TUBGCP4: variants seen among roughly 807,000 people sequenced by gnomAD.
The protein encoded by TUBGCP4 is gamma-tubulin complex component 4.
In TUBGCP4, 54 loss-of-function variants were observed where a neutral mutation model predicts 91.6. That is an observed-to-expected ratio of 0.59 (90% CI 0.47 to 0.74). The LOEUF (loss-of-function observed/expected upper bound fraction) is 0.74. TUBGCP4 is among the 30% of genes least tolerant of loss of function. TUBGCP4 has a pLI of 0.00. For missense variants in TUBGCP4, 593 were observed against 800.9 expected (o/e 0.74, Z 3.13); for synonymous variants, 297 against 302.8 (o/e 0.98, Z 0.20).
At chr15:43,399,044 TTA>T (rs781550581) in intron 13 of TUBGCP4, 3 of 823,164 alleles carry the variant, frequency 3.6e-6, no homozygotes, top group Non-Finnish European at 5.0e-6. Flanking sequence ...AAAATTATCT[TTA>T]TGTTTGGGTT....
At chr15:43,393,165 T>C (rs975286812) in intron 9 of TUBGCP4, among the ~76,000 whole-genome samples, 1 of 152,182 alleles carries the variant, frequency 6.6e-6, no homozygotes, top group Non-Finnish European at 1.5e-5. Flanking sequence ...TATACCAGTG[T>C]GTTTATCCAT....
Position 43,409,324 on chromosome 15 carries a change from C to T in TUBGCP4, c.*4110C>T, listed in dbSNP as rs17725343. ...GCATACTGAGGACCTAAATCCTCAA[C>T]GGACAACCAAAACCTATGAACTCAG... On this transcript the variant is annotated 3_prime_UTR_variant, in exon 18 of 18. Coordinates refer to ENST00000564079, the MANE Select transcript of TUBGCP4 (RefSeq NM_014444.5). 13,100 of 587,522 alleles carry T rather than the reference C, an allele frequency of 0.022. 234 individuals carry two copies. Among genetic ancestry groups the T allele is most frequent in the Middle Eastern group, 0.042 (93 of 2,214 alleles). The allele number at this position is 587,522 out of a possible 1,614,324, so 36.4% of individuals were successfully genotyped here.
intron 7 of TUBGCP4, 97 bp downstream of exon 7, chr15:43,383,601 G>A: frequency 1.9e-6 from 2 of 1,032,250 alleles, no homozygotes; most frequent in Non-Finnish European, 2.7e-6. Context: ...GCTCATAGCT[G>A]AGCACCTTCC....
At position 43,376,224 on chromosome 15, in the gene TUBGCP4, C is replaced by A; in HGVS notation, c.205C>A (p.Gln69Lys). ...IEQYTGHVQQQDHHPSQQGQG... is the reference protein window; with the variant it reads ...IEQYTGHVQQKDHHPSQQGQG... ...ACAGTACACGGGCCATGTGCAACAG[C>A]AGGTGGGTCCTGTTCTCTGTGGGTG... The change falls in exon 2 of 18, where the codon CAG becomes AAG. Residue 69 changes from glutamine to lysine, a missense_variant and splice_region_variant. Gln to Lys is a moderately conservative substitution (Grantham distance 53, BLOSUM62 1). Coordinates refer to ENST00000564079, the MANE Select transcript of TUBGCP4 (RefSeq NM_014444.5). 1 of 1,614,042 alleles carries A rather than the reference C, an allele frequency of 6.2e-7. No individual in the cohort carries two copies. The highest frequency in any genetic ancestry group is 8.5e-7 in the Non-Finnish European group (1 of 1,179,916).
At chr15:43,402,914 C>T (rs1180023083) in intron 15 of TUBGCP4, 1 of 152,226 alleles carries the variant, frequency 6.6e-6, no homozygotes. Flanking sequence ...AGGGCTATTT[C>T]TGCTGTACCA....
At position 43,405,328 on chromosome 15, in the gene TUBGCP4, ACT is replaced by A; in HGVS notation, c.*117_*118del. The A allele has an allele frequency of 8.2e-7, 1 of 1,219,688 alleles. No individual in the cohort carries two copies. Among genetic ancestry groups the A allele is most frequent in the Non-Finnish European group, 1.2e-6 (1 of 839,058 alleles). The allele number at this position is 1,219,688 out of a possible 1,614,324, so 75.6% of individuals were successfully genotyped here. A position where few individuals can be genotyped will look rare whatever the true frequency, so the allele number is the denominator to read the frequency against. On this transcript the variant is annotated 3_prime_UTR_variant, in exon 18 of 18. Transcript: ENST00000564079. ...TAAATATCTGCGGCTTAGTGATAGG[ACT>A]CTACCTTTTCTCCTAGAAGCAGTTA...
At position 43,407,770 on chromosome 15, in the gene TUBGCP4, T is replaced by C; in HGVS notation, c.*2556T>C. 1.3e-6 allele frequency: 1 copy of C among 783,108 alleles called. No homozygotes were observed. Among genetic ancestry groups the C allele is most frequent in the East Asian group, 2.6e-5 (1 of 38,982 alleles). 48.5% of individuals were successfully genotyped at this position (783,108 alleles called of 1,614,324 possible). A position where few individuals can be genotyped will look rare whatever the true frequency, so the allele number is the denominator to read the frequency against. ...ACCTTGTAGAAATATTTAACAAATATACGTCCAGTGCTTCACTTATGTTGA... is the reference window on the plus strand; with the variant it reads ...ACCTTGTAGAAATATTTAACAAATACACGTCCAGTGCTTCACTTATGTTGA... On this transcript the variant is annotated 3_prime_UTR_variant, in exon 18 of 18. Coordinates refer to ENST00000564079, the MANE Select transcript of TUBGCP4 (RefSeq NM_014444.5).
chr15:43,401,695 ATTT>A lies in TUBGCP4; in HGVS notation c.1597-17_1597-15del. ...TGCTTAGAATATGCAAAGTGCTAAA[ATTT>A]TTTGTAATGTCTATCAGGTAGATGT... On this transcript the variant is annotated intron_variant, in intron 14 of 17. Coordinates refer to ENST00000564079, the MANE Select transcript of TUBGCP4 (RefSeq NM_014444.5). 1 of 1,612,560 alleles carries A rather than the reference ATTT, an allele frequency of 6.2e-7. No homozygotes were observed. The highest frequency in any genetic ancestry group is 8.5e-7 in the Non-Finnish European group (1 of 1,179,468).
chr15:43,379,978 C>T, intron 5 of TUBGCP4, 106 bp from the exon 6 acceptor site: 1 of 1,052,436 alleles, frequency 9.5e-7, no homozygotes, highest in Non-Finnish European at 1.5e-6. Flanking sequence ...AAGTTTATCC[C>T]CAGTCTCTCC....
rs35647356 is a variant in TUBGCP4 at position 43,393,212 on chromosome 15, CTTTT to C, written c.1015-1882_1015-1879del. Among the ~76,000 whole-genome samples, 6 of 139,206 alleles carry C rather than the reference CTTTT, an allele frequency of 4.3e-5. 1 individual carries two copies. Among genetic ancestry groups the C allele is most frequent in the African/African-American group, 5.3e-5 (2 of 38,092 alleles). 91.3% of individuals were successfully genotyped at this position (139,206 alleles called of 152,430 possible). On this transcript the variant is annotated intron_variant, in intron 9 of 17. Coordinates refer to ENST00000564079, the MANE Select transcript of TUBGCP4 (RefSeq NM_014444.5). Reference sequence around the variant, plus strand: ...AAATATTTGGGTGGCTTCCCAATGTCTTTTTTTTTTTTTTTTAAGACGGAGTCTT... The same window carrying C: ...AAATATTTGGGTGGCTTCCCAATGTCTTTTTTTTTTTTAAGACGGAGTCTT...
At chr15:43,400,007 A>G in intron 13 of TUBGCP4, 37 bp from the exon 14 acceptor site, 1 of 1,569,586 alleles carries the variant, frequency 6.4e-7, no homozygotes, top group Non-Finnish European at 8.7e-7. Flanking sequence ...CAGGGGATGA[A>G]ATTTTTGTCT....
rs1364035747 is a variant in TUBGCP4 at position 43,403,599 on chromosome 15, A to G, written c.1732-84A>G. 4.0e-6 allele frequency: 4 copies of G among 1,004,150 alleles called. No individual in the cohort carries two copies. In the South Asian group the frequency reaches 4.5e-5, roughly 11 times the overall value. The allele number at this position is 1,004,150 out of a possible 1,614,324, so 62.2% of individuals were successfully genotyped here. ...AGGTCAGCTATTAATTAGATCAGCT[A>G]TTAATCAGACTGTTCTCCTAACACT... On this transcript the variant is annotated intron_variant, in intron 15 of 17. Coordinates refer to ENST00000564079, the MANE Select transcript of TUBGCP4 (RefSeq NM_014444.5).
chr15:43,385,535 T>C, intron 7 of TUBGCP4: 4 of 521,648 alleles, frequency 7.7e-6, no homozygotes, highest in Non-Finnish European at 1.4e-5. Flanking sequence ...ACTGTGCAAG[T>C]TTTTACTCAG....
At position 43,376,227 on chromosome 15, in the gene TUBGCP4, G is replaced by A; in HGVS notation, c.207+1G>A. The A allele has an allele frequency of 6.2e-7, 1 of 1,614,040 alleles. No homozygotes were observed. The highest frequency in any genetic ancestry group is 1.1e-5 in the South Asian group (1 of 91,072). ...GTACACGGGCCATGTGCAACAGCAGGTGGGTCCTGTTCTCTGTGGGTGTAC... is the reference window on the plus strand; with the variant it reads ...GTACACGGGCCATGTGCAACAGCAGATGGGTCCTGTTCTCTGTGGGTGTAC... On this transcript the variant is annotated splice_donor_variant, in intron 2 of 17. Coordinates refer to ENST00000564079, the MANE Select transcript of TUBGCP4 (RefSeq NM_014444.5). LOFTEE classifies it high-confidence loss of function.
At chr15:43,404,742 TAAAA>T in intron 17 of TUBGCP4, 190 bp downstream of exon 17, 1 of 638,538 alleles carries the variant, frequency 1.6e-6, no homozygotes, top group Non-Finnish European at 2.6e-6. Context: ...ATCATCATCA[TAAAA>T]TACTAAAAAA....
rs1566899317 is a variant in TUBGCP4 at position 43,395,669 on chromosome 15, C to G, written c.1152C>G (p.Pro384=). ...DTAQHMLKTP[P]TAVTEHDVNV... ...CTCAACACATGTTGAAAACACCACC[C>G]ACTGCAGTAACTGAGCATGGTAATT... Residue 384 remains proline, a synonymous_variant, in exon 11 of 18, where the codon CCC becomes CCG. Transcript: ENST00000564079. 6.2e-7 allele frequency: 1 copy of G among 1,613,818 alleles called. No homozygotes were observed. Among genetic ancestry groups the G allele is most frequent in the South Asian group, 1.1e-5 (1 of 91,070 alleles).
rs1164989944 is a variant in TUBGCP4 at position 43,404,528 on chromosome 15, C to A, written c.1964C>A (p.Thr655Asn). Residue 655 changes from threonine (T) to asparagine (N), a missense_variant, in exon 17 of 18, where the codon ACC (threonine) becomes AAC (asparagine). By Grantham distance (65) the Thr-to-Asn change is moderately conservative. Coordinates refer to ENST00000564079, the MANE Select transcript of TUBGCP4 (RefSeq NM_014444.5). ...CGACTAGATTATAACAAATACTATACCCAGGCTGGTGGAACTCTGGGCAGG... is the reference window on the plus strand; with the variant it reads ...CGACTAGATTATAACAAATACTATAACCAGGCTGGTGGAACTCTGGGCAGG... Reference protein sequence around the residue: ...LLRLDYNKYYTQAGGTLGSFG... With the variant: ...LLRLDYNKYYNQAGGTLGSFG... The A allele has an allele frequency of 6.2e-7, 1 of 1,614,110 alleles. No individual in the cohort carries two copies. Among genetic ancestry groups the A allele is most frequent in the Non-Finnish European group, 8.5e-7 (1 of 1,180,014 alleles).
At position 43,386,639 on chromosome 15, in the gene TUBGCP4, C is replaced by A. The variant is rs1227086362; in HGVS notation, c.1014+309C>A. Among the ~76,000 whole-genome samples, 3 of 143,694 alleles carry A rather than the reference C, an allele frequency of 2.1e-5. No individual in the cohort carries two copies. In the East Asian group the frequency reaches 6.2e-4, roughly 30 times the overall value. The allele number at this position is 143,694 out of a possible 152,430, so 94.3% of individuals were successfully genotyped here. On this transcript the variant is annotated intron_variant, in intron 9 of 17. Transcript: ENST00000564079. ...ACTTACGAGGCTGAGGCAGGAGAAT[C>A]GCTTGAACCCGGGAGGCGGAGGTTG...
At chr15:43,400,007 A>T (rs771847057) in intron 13 of TUBGCP4, 37 bp from the exon 14 acceptor site, 2 of 1,569,586 alleles carry the variant, frequency 1.3e-6, no homozygotes, top group Non-Finnish European at 8.7e-7. Context: ...CAGGGGATGA[A>T]ATTTTTGTCT....
Sources: allele counts gnomAD v4.1 joint callset (sites outside exome capture counted in the v4.1 genomes callset), GRCh38; gene constraint gnomAD v4.1.1; transcripts MANE v1.5; gene names NCBI Gene and HGNC (gene_info 2026-07-23, HGNC 2026-07-21).